Variants in EIF6 observed in about 807,000 individuals in gnomAD.
EIF6 encodes the protein eukaryotic translation initiation factor 6.
Under a neutral mutation model 25.5 loss-of-function variants are expected in EIF6, and 10 were observed. The observed-to-expected ratio is 0.39, with a 90% confidence interval of 0.24 to 0.66. The LOEUF is 0.66. Ranked by LOEUF, EIF6 falls within the 30% of genes least tolerant of loss-of-function variation. EIF6 has a pLI of 0.45. For missense variants in EIF6, 246 were observed against 315.4 expected (o/e 0.78, Z 1.67); for synonymous variants, 122 against 122.6 (o/e 1.00, Z 0.03).
At position 35,279,745 on chromosome 20, in the gene EIF6, C is replaced by T. The variant is rs758817891; in HGVS notation, c.549G>A (p.Ala183=). 2.1e-5 allele frequency: 34 copies of T among 1,613,902 alleles called. No individual in the cohort carries two copies. The East Asian group carries it at 3.3e-4, about 16-fold the overall frequency. The change falls in exon 6 of 7, where the codon GCG becomes GCA. Residue 183 remains alanine (A), a splice_region_variant and synonymous_variant. Transcript: ENST00000374450. ...LSSLLQVPLV[A]GTVNRGSEVI... is the part of the protein sequence containing the mutation. Reference sequence around the variant, plus strand: ...CCTCACTGCCTCGGTTCACAGTCCCCGCCTGCCAAGGGATGGGCTCAATGT... The same window carrying T: ...CCTCACTGCCTCGGTTCACAGTCCCTGCCTGCCAAGGGATGGGCTCAATGT...
In EIF6 at chr20:35,283,751, G is replaced by T. The variant is rs927423495; in HGVS notation, c.193+425C>A. Among the ~76,000 whole-genome samples, 6 of 150,692 alleles carry T rather than the reference G, an allele frequency of 4.0e-5. No homozygotes were observed. The East Asian group carries it at 1.2e-3, about 29-fold the overall frequency. On this transcript the variant is annotated intron_variant, in intron 3 of 6. Transcript: ENST00000374450. ...AGAAGTTGAGGATGCAGACAGCTGT[G>T]ATCTTGCCACTGCACTCCAGCCTGG...
intron 6 of EIF6, 25 bp from the exon 7 acceptor site, chr20:35,279,231 T>G (rs1260173197): frequency 6.2e-7 from 1 of 1,612,380 alleles, no homozygotes; most frequent in East Asian, 2.2e-5. Flanking sequence ...AAGCGCACGG[T>G]CAGTAGCTGT....
At chr20:35,280,628 T>C in intron 4 of EIF6, 26 bp downstream of exon 4, 2 of 1,610,080 alleles carry the variant, frequency 1.2e-6, no homozygotes, top group Non-Finnish European at 1.7e-6. Flanking sequence ...GCCCTGTGAC[T>C]CTTGGGTCAA....
chr20:35,283,957 G>A (rs2060799884), intron 3 of EIF6, among the ~76,000 whole-genome samples: 1 of 152,198 alleles, frequency 6.6e-6, no homozygotes, highest in South Asian at 2.1e-4. Flanking sequence ...ATGAGAACAG[G>A]AGTGAAAGCA....
chr20:35,279,426 T>C, intron 6 of EIF6, 140 bp downstream of exon 6: 1 of 1,241,844 alleles, frequency 8.1e-7, no homozygotes, highest in Non-Finnish European at 1.1e-6. Flanking sequence ...TGCTCAGCAG[T>C]GTACAGATAT....
rs1340871691 is a variant in EIF6 at position 35,284,384 on chromosome 20, T to C, written c.104A>G (p.Tyr35Cys). 5 of 1,613,750 alleles carry C rather than the reference T, an allele frequency of 3.1e-6. No homozygotes were observed. Among genetic ancestry groups the C allele is most frequent in the African/African-American group, 1.3e-5 (1 of 74,894 alleles). ...AGCCCCGGGGCTCCCGCCGCACCTG[T>C]AGAAGTTCTCTGAGCCTCCGATCGC... Reference protein sequence around the residue: ...LVAIGGSENFYSVFEGELSDT... With the variant: ...LVAIGGSENFCSVFEGELSDT... The change falls in exon 2 of 7, where the codon TAC becomes TGC. Residue 35 changes from tyrosine (Y) to cysteine (C), a missense_variant. By Grantham distance (194) the Tyr-to-Cys change is radical (BLOSUM62 -2). Transcript: ENST00000374450.
chr20:35,282,689 G>A (rs2060786677), intron 3 of EIF6, among the ~76,000 whole-genome samples: 1 of 151,334 alleles, frequency 6.6e-6, no homozygotes, highest in African/African-American at 2.4e-5. Context: ...ACCGCAGGGT[G>A]AGCTCCACCT....
chr20:35,284,359 A>T, intron 2 of EIF6, 22 bp downstream of exon 2: 1 of 1,613,410 alleles, frequency 6.2e-7, no homozygotes, highest in Non-Finnish European at 8.5e-7. Context: ...CGCCACCGTA[A>T]GCCCCGGGGC....
chr20:35,283,860 A>C (rs949070191), intron 3 of EIF6, among the ~76,000 whole-genome samples: 5 of 152,100 alleles, frequency 3.3e-5, no homozygotes, highest in African/African-American at 1.2e-4. Context: ...TGTGGAACTT[A>C]CTGAGTCACT....
At chr20:35,280,869 C>G in intron 3 of EIF6, 40 bp from the exon 4 acceptor site, 1 of 1,604,502 alleles carries the variant, frequency 6.2e-7, no homozygotes, top group Non-Finnish European at 8.5e-7. Flanking sequence ...CACAAGATGC[C>G]TGCTGAGCCC....
At chr20:35,283,418 C>G (rs562464317) in intron 3 of EIF6, among the ~76,000 whole-genome samples, 1 of 152,254 alleles carries the variant, frequency 6.6e-6, no homozygotes, top group East Asian at 1.9e-4. Context: ...GCAGGAAGAC[C>G]GCATATCTTA....
At chr20:35,284,636 C>T (rs1444534994) in intron 1 of EIF6, 90 bp downstream of exon 1, 1 of 931,298 alleles carries the variant, frequency 1.1e-6, no homozygotes, top group East Asian at 2.6e-5. Context: ...GGGCCCCCAC[C>T]AGAACCTCCG....
chr20:35,282,350 A>G (rs552970523), intron 3 of EIF6, among the ~76,000 whole-genome samples: 3 of 152,238 alleles, frequency 2.0e-5, no homozygotes, highest in African/African-American at 4.8e-5. Context: ...GATGGAATGG[A>G]TGAATACGTT....
Position 35,279,472 on chromosome 20 carries a change from T to G in EIF6, c.728+94A>C, listed in dbSNP as rs2060750923. On this transcript the variant is annotated intron_variant, in intron 6 of 6. Transcript: ENST00000374450. ...TCGAGAAGCTACCAGAACAAACTGG[T>G]AGGCTCCCATTCTAGATGACATCTT... The G allele has an allele frequency of 6.5e-6, 10 of 1,527,692 alleles. No homozygotes were observed. In the Admixed American group the frequency reaches 1.8e-4, roughly 27 times the overall value. 94.6% of individuals were successfully genotyped at this position (1,527,692 alleles called of 1,614,324 possible).
At chr20:35,283,267 C>T (rs1459146399) in intron 3 of EIF6, among the ~76,000 whole-genome samples, 1 of 149,824 alleles carries the variant, frequency 6.7e-6, no homozygotes, top group Admixed American at 6.6e-5. Flanking sequence ...GCCTGGGCAA[C>T]AAGAGCGAAA....
intron 3 of EIF6, 32 bp from the exon 4 acceptor site, chr20:35,280,861 C>T: frequency 3.1e-6 from 5 of 1,609,560 alleles, no homozygotes; most frequent in Admixed American, 3.4e-5. Context: ...GGTGAATACA[C>T]AAGATGCCTG....
chr20:35,284,607 T>C, intron 1 of EIF6, 115 bp from the exon 2 acceptor site: 1 of 1,243,306 alleles, frequency 8.0e-7, no homozygotes, highest in Non-Finnish European at 1.1e-6. Context: ...GGCCCCTCCG[T>C]CCTCGGGTCC....
chr20:35,283,800 CAAAA>C (rs57842071), intron 3 of EIF6, among the ~76,000 whole-genome samples: 5 of 115,070 alleles, frequency 4.3e-5, no homozygotes, highest in Non-Finnish European at 5.7e-5. Flanking sequence ...AATCTGGCCT[CAAAA>C]AAAAAAAAAA....
chr20:35,281,889 A>G (rs1009727631), intron 3 of EIF6, among the ~76,000 whole-genome samples: 1 of 152,186 alleles, frequency 6.6e-6, no homozygotes, highest in Non-Finnish European at 1.5e-5. Context: ...CTACTACTAA[A>G]TAGTCACATA....
Sources: allele counts gnomAD v4.1 joint callset (sites outside exome capture counted in the v4.1 genomes callset), GRCh38; gene constraint gnomAD v4.1.1; transcripts MANE v1.5; gene names NCBI Gene and HGNC (gene_info 2026-07-23, HGNC 2026-07-21).